TYW1: variants seen among roughly 807,000 people sequenced by gnomAD.
The protein encoded by TYW1 is tRNA-yW synthesizing protein 1 homolog.
In TYW1, 46 loss-of-function variants were observed where a neutral mutation model predicts 96.2. That is an observed-to-expected ratio of 0.48 (90% CI 0.38 to 0.61). The LOEUF is 0.61. TYW1 is among the 20% of genes least tolerant of loss of function. The probability of loss-of-function intolerance (pLI) is 0.00; values close to 1 mark genes in which losing one functional copy is unlikely to be tolerated. For synonymous variants in TYW1, 274 were observed against 323.0 expected (o/e 0.85, Z 1.63); for missense variants, 684 against 909.6 (o/e 0.75, Z 3.19).
intron 7 of TYW1, among the ~76,000 whole-genome samples, chr7:67,047,703 C>G (rs1218360188): frequency 6.7e-6 from 1 of 149,808 alleles, no homozygotes; most frequent in Non-Finnish European, 1.5e-5. Flanking sequence ...CACTGATCTC[C>G]TATTTCAGAG....
chr7:67,126,698 C>T (rs933771120), intron 13 of TYW1, among the ~76,000 whole-genome samples: 3 of 151,868 alleles, frequency 2.0e-5, no homozygotes, highest in African/African-American at 7.3e-5. Context: ...CTAGTTCCAG[C>T]ACTATTTGTT....
intron 15 of TYW1, among the ~76,000 whole-genome samples, chr7:67,220,404 C>T (rs989700637): frequency 3.5e-4 from 53 of 151,930 alleles, no homozygotes; most frequent in South Asian, 1.5e-3. Context: ...GGGGTTTCAC[C>T]GTGTTAGCCA....
chr7:67,057,608 C>T (rs112306812), intron 9 of TYW1, among the ~76,000 whole-genome samples: 24 of 150,686 alleles, frequency 1.6e-4, no homozygotes, highest in South Asian at 1.1e-3. Flanking sequence ...TGACCTCAAG[C>T]GATCCATGCA....
chr7:67,153,123 A>G (rs1212575034), intron 13 of TYW1, among the ~76,000 whole-genome samples: 5 of 152,130 alleles, frequency 3.3e-5, no homozygotes, highest in African/African-American at 9.7e-5. Context: ...TTTCTTCCTA[A>G]TGATTAAGGT....
intron 12 of TYW1, among the ~76,000 whole-genome samples, chr7:67,102,105 G>C (rs1290566746): frequency 6.6e-6 from 1 of 152,178 alleles, no homozygotes; most frequent in Non-Finnish European, 1.5e-5. Context: ...TAAATTAAAG[G>C]CATATATCCC....
In TYW1 at chr7:67,195,213, T is replaced by C; in HGVS notation, c.1853T>C (p.Met618Thr). The C allele has an allele frequency of 6.2e-7, 1 of 1,613,898 alleles. No homozygotes were observed. Among genetic ancestry groups the C allele is most frequent in the Non-Finnish European group, 8.5e-7 (1 of 1,179,982 alleles). The change falls in exon 15 of 16, where the codon ATG becomes ACG. Residue 618 changes from methionine to threonine, a missense_variant. By Grantham distance (81) the Met-to-Thr change is moderately conservative. Coordinates refer to ENST00000359626, the MANE Select transcript of TYW1 (RefSeq NM_018264.4). The part of the protein sequence containing the change: ...CGESSASSLT[M>T]AHVPWHEEVV... The stretch of plus-strand genomic sequence containing the variant: ...GAAAGTTCAGCAAGCAGTCTTACCA[T>C]GGCCCACGTGCCCTGGCATGAGGAA...
chr7:67,118,108 T>G (rs184532158), intron 13 of TYW1, among the ~76,000 whole-genome samples: 116 of 152,256 alleles, frequency 7.6e-4, no homozygotes, highest in African/African-American at 2.7e-3. Context: ...GTGGATCACT[T>G]GAGGTCAGGA....
chr7:67,186,104 T>C (rs1241474862), intron 14 of TYW1, among the ~76,000 whole-genome samples: 1 of 144,230 alleles, frequency 6.9e-6, no homozygotes, highest in East Asian at 2.0e-4. Flanking sequence ...TGAAAATATA[T>C]GTATCAGCTT....
chr7:67,102,783 C>G (rs1797125608), intron 12 of TYW1, among the ~76,000 whole-genome samples: 2 of 152,084 alleles, frequency 1.3e-5, no homozygotes, highest in East Asian at 1.9e-4. Context: ...TCCCGAGTAG[C>G]TGGGACTACA....
intron 13 of TYW1, among the ~76,000 whole-genome samples, chr7:67,175,653 T>C (rs1285533410): frequency 6.6e-6 from 1 of 152,202 alleles, no homozygotes; most frequent in Non-Finnish European, 1.5e-5. Flanking sequence ...AATCAACCTA[T>C]TTATGATGTC....
chr7:67,143,606 A>G (rs1798516198), intron 13 of TYW1, among the ~76,000 whole-genome samples: 2 of 152,182 alleles, frequency 1.3e-5, no homozygotes, highest in African/African-American at 2.4e-5. Flanking sequence ...GGAGCAGTTC[A>G]GTTCCACCAG....
At chr7:67,213,115 C>T (rs568605826) in intron 15 of TYW1, among the ~76,000 whole-genome samples, 4 of 151,888 alleles carry the variant, frequency 2.6e-5, no homozygotes, top group East Asian at 1.9e-4. Context: ...TCAGGTGATT[C>T]GCCCTCCTCA....
intron 9 of TYW1, among the ~76,000 whole-genome samples, chr7:67,064,059 A>G (rs892563520): frequency 6.6e-6 from 1 of 152,236 alleles, no homozygotes; most frequent in East Asian, 1.9e-4. Context: ...ATAAATGAAA[A>G]TCTAAACAAA....
intron 7 of TYW1, among the ~76,000 whole-genome samples, chr7:67,029,434 A>ACACATATAT (rs1251271240): frequency 3.3e-5 from 2 of 60,406 alleles, no homozygotes; most frequent in Non-Finnish European, 6.9e-5. Context: ...TATATATATA[A>ACACATATAT]ATAGTATTTT....
At chr7:67,060,477 T>C (rs1795663023) in intron 9 of TYW1, among the ~76,000 whole-genome samples, 1 of 152,248 alleles carries the variant, frequency 6.6e-6, no homozygotes, top group Non-Finnish European at 1.5e-5. Context: ...AGAAAACAAA[T>C]TGAATAAGTT....
At chr7:67,078,084 TTTTTTGTTTTTTG>T (rs1462329068) in intron 10 of TYW1, among the ~76,000 whole-genome samples, 1 of 152,040 alleles carries the variant, frequency 6.6e-6, no homozygotes, top group Non-Finnish European at 1.5e-5. Context: ...TTATAGTTTA[TTTTTTGTTTTTTG>T]TTTTTGTTTT....
chr7:67,036,783 A>C (rs1361256997), intron 7 of TYW1, among the ~76,000 whole-genome samples: 1 of 152,244 alleles, frequency 6.6e-6, no homozygotes, highest in Non-Finnish European at 1.5e-5. Context: ...ATGAGAGACA[A>C]ATAGAGAATA....
chr7:67,077,064 A>G (rs2115733649), intron 10 of TYW1, among the ~76,000 whole-genome samples: 1 of 152,242 alleles, frequency 6.6e-6, no homozygotes, highest in East Asian at 1.9e-4. Context: ...GTGACCCACT[A>G]TGCCCAGCCT....
chr7:67,162,714 G>A (rs1487971202), intron 13 of TYW1, among the ~76,000 whole-genome samples: 1 of 152,164 alleles, frequency 6.6e-6, no homozygotes, highest in Non-Finnish European at 1.5e-5. Context: ...AATATCCTCG[G>A]ACATCCAAGT....
Sources: gnomAD v4.1 joint callset for allele counts (sites outside exome capture counted in the v4.1 genomes callset) on GRCh38, gnomAD v4.1.1 for gene constraint, MANE v1.5 for transcripts, NCBI Gene and HGNC (gene_info 2026-07-23, HGNC 2026-07-21) for gene names.